Variants in KLF13 observed in about 807,000 individuals in gnomAD.
KLF13 encodes KLF transcription factor 13.
Under a neutral mutation model 16.7 loss-of-function variants are expected in KLF13, and 8 were observed. The observed-to-expected ratio is 0.48, with a 90% CI of 0.28 to 0.87. KLF13 has a LOEUF of 0.87. Among genes scored for constraint, KLF13 ranks in the 40% least tolerant of loss-of-function variants. The pLI, the probability that KLF13 is intolerant of heterozygous loss-of-function variation, is 0.10. For synonymous variants in KLF13, 245 were observed against 208.4 expected (o/e 1.18, Z -1.51); for missense variants, 447 against 452.2 (o/e 0.99, Z 0.10).
At chr15:31,367,025 A>G (rs2039484903) in intron 1 of KLF13, among the ~76,000 whole-genome samples, 1 of 152,320 alleles carries the variant, frequency 6.6e-6, no homozygotes, top group South Asian at 2.1e-4. Flanking sequence ...GTAATTTCTA[A>G]TACGATGAAA....
chr15:31,383,908 T>A (rs559372205), intron 1 of KLF13, among the ~76,000 whole-genome samples: 27 of 134,776 alleles, frequency 2.0e-4, no homozygotes, highest in Non-Finnish European at 3.6e-4. Context: ...TCTCAAAAAA[T>A]AAATAAATAA....
intron 1 of KLF13, among the ~76,000 whole-genome samples, chr15:31,428,802 CAAAAA>C (rs1218921356): frequency 1.6e-4 from 10 of 61,898 alleles, no homozygotes; most frequent in African/African-American, 5.8e-4. Context: ...GACTCTATCT[CAAAAA>C]AAAAAAAAAA....
chr15:31,427,704 C>G (rs932598738), intron 1 of KLF13, among the ~76,000 whole-genome samples: 1 of 152,188 alleles, frequency 6.6e-6, no homozygotes, highest in Admixed American at 6.5e-5. Flanking sequence ...CCTCACAGTT[C>G]TGCAGGCTGT....
intron 1 of KLF13, among the ~76,000 whole-genome samples, 194 bp from the exon 2 acceptor site, chr15:31,371,816 C>T (rs1290204981): frequency 6.6e-6 from 1 of 152,264 alleles, no homozygotes; most frequent in East Asian, 1.9e-4. Context: ...CTGCCTCCAT[C>T]CCAGGCGTGG....
At chr15:31,389,415 G>A (rs142475698), upstream of KLF13, among the ~76,000 whole-genome samples, 115 of 152,290 alleles carry the variant, frequency 7.6e-4, 4 homozygotes, top group East Asian at 0.015. Context: ...CTCAATGGGG[G>A]AGGGGATCAA....
At chr15:31,423,164 T>TGTATATATATATACGTATATATAC (rs2040362383) in intron 1 of KLF13, among the ~76,000 whole-genome samples, 2 of 25,356 alleles carry the variant, frequency 7.9e-5, no homozygotes, top group African/African-American at 7.2e-4. Flanking sequence ...CGTATATATA[T>TGTATATATATATACGTATATATAC]GTATATATAT....
At chr15:31,398,571 C>T (rs1398052518) in intron 2 of KLF13, among the ~76,000 whole-genome samples, 1 of 152,132 alleles carries the variant, frequency 6.6e-6, no homozygotes, top group East Asian at 1.9e-4. Context: ...CCCACTGGCT[C>T]CTGGACCCCA....
intron 1 of KLF13, among the ~76,000 whole-genome samples, chr15:31,334,307 G>C (rs903789575): frequency 1.3e-5 from 2 of 152,248 alleles, no homozygotes; most frequent in African/African-American, 4.8e-5. Flanking sequence ...CTGTCTCCTA[G>C]GGCTGGGGAG....
At chr15:31,339,834 C>T (rs1307957910) in intron 1 of KLF13, 18 of 656,572 alleles carry the variant, frequency 2.7e-5, no homozygotes, top group East Asian at 5.5e-5. Context: ...CCTGCTGTCT[C>T]GTGGGAGTGC....
chr15:31,398,597 C>T (rs1381231455), intron 2 of KLF13, among the ~76,000 whole-genome samples: 3 of 152,164 alleles, frequency 2.0e-5, no homozygotes, highest in African/African-American at 7.2e-5. Context: ...GAAGCAGCGA[C>T]CCCTTCCATC....
chr15:31,365,404 A>G (rs1016185662), intron 1 of KLF13, among the ~76,000 whole-genome samples: 2 of 151,948 alleles, frequency 1.3e-5, no homozygotes, highest in African/African-American at 2.4e-5. Context: ...TCTCCCTTCC[A>G]TGAAGGGGAG....
chr15:31,424,085 A>T (rs1595514559), intron 1 of KLF13, among the ~76,000 whole-genome samples: 1 of 152,212 alleles, frequency 6.6e-6, no homozygotes, highest in African/African-American at 2.4e-5. Flanking sequence ...GAGAGATTAA[A>T]TCACTAACCA....
At chr15:31,330,912 G>C (rs1304640345) in intron 1 of KLF13, among the ~76,000 whole-genome samples, 1 of 152,192 alleles carries the variant, frequency 6.6e-6, no homozygotes, top group Non-Finnish European at 1.5e-5. Flanking sequence ...GATTTTCTTG[G>C]AACCTGAGGT....
chr15:31,344,221 C>G (rs4779517), intron 1 of KLF13, among the ~76,000 whole-genome samples: 63,885 of 152,144 alleles, frequency 0.42, 14,328 homozygotes, highest in Non-Finnish European at 0.51. Flanking sequence ...TGTGCAGATG[C>G]AGACATCCCA....
At chr15:31,353,432 A>G (rs1201546996) in intron 1 of KLF13, among the ~76,000 whole-genome samples, 1 of 152,202 alleles carries the variant, frequency 6.6e-6, no homozygotes, top group African/African-American at 2.4e-5. Flanking sequence ...GGGCTGGCAA[A>G]GTCCCTGCCA....
chr15:31,421,856 G>A (rs2040329170), intron 1 of KLF13, among the ~76,000 whole-genome samples: 1 of 152,182 alleles, frequency 6.6e-6, no homozygotes, highest in Non-Finnish European at 1.5e-5. Context: ...GCTCACACAT[G>A]TATTGCCAGC....
intron 1 of KLF13, among the ~76,000 whole-genome samples, chr15:31,329,105 C>G (rs1241308445): frequency 6.6e-6 from 1 of 151,798 alleles, no homozygotes. Flanking sequence ...CCCAGGGAGG[C>G]TTTTGTGGCC....
intron 1 of KLF13, among the ~76,000 whole-genome samples, chr15:31,333,477 G>A (rs986364872): frequency 1.3e-5 from 2 of 152,150 alleles, no homozygotes; most frequent in African/African-American, 4.8e-5. Context: ...AAGGTTGAGG[G>A]AGTAGTATAG....
chr15:31,402,342 C>G (rs909636260), intron 2 of KLF13, among the ~76,000 whole-genome samples: 1 of 152,202 alleles, frequency 6.6e-6, no homozygotes, highest in Non-Finnish European at 1.5e-5. Context: ...CCCTGCCCCA[C>G]AGGGGCACCT....
Sources: gnomAD v4.1 joint callset for allele counts (sites outside exome capture counted in the v4.1 genomes callset) on GRCh38, gnomAD v4.1.1 for gene constraint, MANE v1.5 for transcripts, NCBI Gene and HGNC (gene_info 2026-07-23, HGNC 2026-07-21) for gene names.